Variants in ZFPM2 observed in about 807,000 individuals in gnomAD.
The protein encoded by ZFPM2 is zinc finger protein ZFPM2.
ZFPM2 carries 20 observed loss-of-function variants against 98.6 expected under a neutral mutation model. The observed-to-expected ratio is 0.20, with a 90% CI of 0.14 to 0.29. The LOEUF is 0.29. ZFPM2 is among the 10% of genes least tolerant of loss of function. ZFPM2 has a pLI of 1.00. For synonymous variants in ZFPM2, 518 were observed against 502.7 expected (o/e 1.03, Z -0.41); for missense variants, 1,310 against 1,388.6 (o/e 0.94, Z 0.90).
chr8:105,487,769 T>G (rs1291789727), intron 3 of ZFPM2, among the ~76,000 whole-genome samples: 1 of 152,154 alleles, frequency 6.6e-6, no homozygotes, highest in Non-Finnish European at 1.5e-5. Flanking sequence ...ATCATCATCG[T>G]CATCATTATC....
At chr8:105,712,488 T>A (rs1390019165) in intron 5 of ZFPM2, among the ~76,000 whole-genome samples, 1 of 152,014 alleles carries the variant, frequency 6.6e-6, no homozygotes. Context: ...TATGTCGGAA[T>A]CAAATCTTAC....
chr8:105,365,051 A>C (rs890043279), intron 1 of ZFPM2, among the ~76,000 whole-genome samples: 5 of 151,566 alleles, frequency 3.3e-5, no homozygotes, highest in Admixed American at 6.6e-5. Context: ...CTTATTACTC[A>C]CTCTGATAAG....
At chr8:105,579,697 T>TG (rs1201807383) in intron 4 of ZFPM2, among the ~76,000 whole-genome samples, 2 of 152,220 alleles carry the variant, frequency 1.3e-5, no homozygotes, top group East Asian at 3.9e-4. Context: ...AGCCTCTCGT[T>TG]GCACTGTGTG....
In ZFPM2 at chr8:105,694,339, T is replaced by C. The variant is rs1810967191; in HGVS notation, c.532+59982T>C. ...TGCTTCATTGACTCAAATAGAGTTT[T>C]CTGTTTTCTTGGAGTTTAAGAAATG... On this transcript the variant is annotated intron_variant, in intron 5 of 7. Coordinates refer to ENST00000407775, the MANE Select transcript of ZFPM2 (RefSeq NM_012082.4). 2.0e-5 allele frequency among the ~76,000 whole-genome samples: 3 copies of C among 152,140 alleles called. No individual in the cohort carries two copies. The South Asian group carries it at 6.2e-4, about 32-fold the overall frequency.
chr8:105,730,921 A>G (rs1173065060), intron 5 of ZFPM2, among the ~76,000 whole-genome samples: 1 of 151,502 alleles, frequency 6.6e-6, no homozygotes, highest in Non-Finnish European at 1.5e-5. Flanking sequence ...ATAAGAGGCT[A>G]TGACATTATG....
chr8:105,537,068 A>T (rs1218514287), intron 3 of ZFPM2, among the ~76,000 whole-genome samples: 1 of 152,184 alleles, frequency 6.6e-6, no homozygotes, highest in Non-Finnish European at 1.5e-5. Context: ...TCATGGCCCA[A>T]CAATTGTTTT....
intron 1 of ZFPM2, among the ~76,000 whole-genome samples, chr8:105,403,864 A>G (rs751471015): frequency 1.4e-4 from 21 of 152,004 alleles, no homozygotes; most frequent in Admixed American, 2.6e-4. Context: ...TACTCAGTTC[A>G]TGCTGTTTTC....
intron 5 of ZFPM2, among the ~76,000 whole-genome samples, chr8:105,772,615 T>TA (rs1813005809): frequency 6.6e-6 from 1 of 152,174 alleles, no homozygotes; most frequent in African/African-American, 2.4e-5. Context: ...TCAGCACACA[T>TA]AATTCCCCTT....
chr8:105,351,041 G>A (rs1812631276), intron 1 of ZFPM2, among the ~76,000 whole-genome samples: 1 of 151,902 alleles, frequency 6.6e-6, no homozygotes, highest in Non-Finnish European at 1.5e-5. Context: ...AAATTAGTCA[G>A]GTGTGGTGGC....
chr8:105,322,007 T>C (rs1812034558), intron 1 of ZFPM2, among the ~76,000 whole-genome samples: 1 of 152,186 alleles, frequency 6.6e-6, no homozygotes, highest in Non-Finnish European at 1.5e-5. Flanking sequence ...TCAGATTTTT[T>C]TTTCCTATTC....
chr8:105,426,780 TAAAAATACAAAAAATACA>T (rs60010064), intron 2 of ZFPM2, among the ~76,000 whole-genome samples: 23 of 149,800 alleles, frequency 1.5e-4, no homozygotes, highest in African/African-American at 5.2e-4. Context: ...ATCCCATCTC[TAAAAATACAAAAAATACA>T]AAAAATACAA....
chr8:105,577,995 T>C (rs1298446610), intron 4 of ZFPM2, among the ~76,000 whole-genome samples: 2 of 152,110 alleles, frequency 1.3e-5, no homozygotes, highest in Admixed American at 1.3e-4. Flanking sequence ...ATCTTATTTT[T>C]GGATTCCAGT....
At chr8:105,530,544 T>C (rs1161295546) in intron 3 of ZFPM2, among the ~76,000 whole-genome samples, 1 of 152,190 alleles carries the variant, frequency 6.6e-6, no homozygotes, top group East Asian at 1.9e-4. Context: ...GCCTTCTTGC[T>C]GTGTCCACAC....
chr8:105,582,754 T>C (rs1318824429), intron 4 of ZFPM2, among the ~76,000 whole-genome samples: 2 of 152,062 alleles, frequency 1.3e-5, no homozygotes, highest in Admixed American at 6.6e-5. Context: ...CCACCATCCT[T>C]GGCTAATTTT....
At chr8:105,456,146 G>GGT (rs1812585074) in intron 3 of ZFPM2, among the ~76,000 whole-genome samples, 1 of 93,284 alleles carries the variant, frequency 1.1e-5, no homozygotes, top group African/African-American at 3.3e-5. Flanking sequence ...CCAGGAAAAT[G>GGT]TTTTTTTTTG....
chr8:105,747,034 G>C lies in ZFPM2; in HGVS notation c.533-41684G>C, dbSNP rs539730676. Among the ~76,000 whole-genome samples, 70 of 152,090 alleles carry C rather than the reference G, an allele frequency of 4.6e-4. 1 individual carries two copies. The highest frequency in any genetic ancestry group is 1.6e-3 in the African/African-American group (65 of 41,522). The stretch of plus-strand genomic sequence containing the variant: ...GAAAAAAACTTCAAATAGCAATTAA[G>C]TATTTTTTTTCTTATTTCAGCATAT... On this transcript the variant is annotated intron_variant, in intron 5 of 7. Transcript: ENST00000407775.
intron 5 of ZFPM2, among the ~76,000 whole-genome samples, chr8:105,650,985 G>T (rs186391508): frequency 3.3e-5 from 5 of 152,012 alleles, no homozygotes; most frequent in Non-Finnish European, 7.4e-5. Flanking sequence ...CAATTCTAGC[G>T]TCTTCTTTCT....
At chr8:105,428,834 AG>A (rs1811962702) in intron 2 of ZFPM2, among the ~76,000 whole-genome samples, 1 of 152,196 alleles carries the variant, frequency 6.6e-6, no homozygotes, top group Non-Finnish European at 1.5e-5. Context: ...AGATGGTAAG[AG>A]TGGAAGTGAG....
intron 1 of ZFPM2, among the ~76,000 whole-genome samples, chr8:105,345,902 T>C (rs1812514190): frequency 6.6e-6 from 1 of 152,220 alleles, no homozygotes; most frequent in South Asian, 2.1e-4. Flanking sequence ...ATTTCATTAT[T>C]ATACTTACAT....
Sources: allele counts gnomAD v4.1 joint callset (sites outside exome capture counted in the v4.1 genomes callset), GRCh38; gene constraint gnomAD v4.1.1; transcripts MANE v1.5; gene names NCBI Gene and HGNC (gene_info 2026-07-23, HGNC 2026-07-21).